CLIC6: variants seen among roughly 807,000 people sequenced by gnomAD.
CLIC6 encodes CLIC family member 6.
Under a neutral mutation model 49.2 loss-of-function variants are expected in CLIC6, and 39 were observed. The ratio of observed to expected loss-of-function variants is 0.79; its 90% CI spans 0.61 to 1.04. CLIC6 has a LOEUF of 1.04. Ranked by LOEUF, CLIC6 falls within the 50% of genes least tolerant of loss-of-function variation. The pLI, the probability that CLIC6 is intolerant of heterozygous loss-of-function variation, is 0.00. For synonymous variants in CLIC6, 446 were observed against 433.4 expected, an observed-to-expected ratio of 1.03 and a Z score of -0.36; for missense variants, 988 against 993.1, an observed-to-expected ratio of 0.99 and a Z score of 0.07.
rs1421007923 is a variant in CLIC6, at chr21:34,716,393, G to C, written c.1972G>C (p.Ala658Pro). 1 of 1,613,770 alleles carries C rather than the reference G, an allele frequency of 6.2e-7. No homozygotes were observed. The highest frequency in any genetic ancestry group is 8.5e-7 in the Non-Finnish European group (1 of 1,179,694). ...MTGIWRYLNN[A>P]YARDEFTNTC... is the part of the protein sequence containing the mutation. ...TGGCATCTGGAGATACTTGAATAAT[G>C]CTTATGCTAGAGATGAGTTCACAAA... Residue 658 changes from alanine (A) to proline (P), a missense_variant, in exon 6 of 6, where the codon GCT (alanine) becomes CCT (proline). This residue lies in a region of CLIC6 where 647 missense variants were observed against 596.9 expected (regional missense o/e 1.08). Coordinates refer to ENST00000349499, the MANE Select transcript of CLIC6 (RefSeq NM_053277.3).
In CLIC6 at chr21:34,669,481, A is replaced by G. The variant is rs1989481415; in HGVS notation, c.93A>G (p.Pro31=). The change falls in exon 1 of 6, where the codon CCA becomes CCG. Residue 31 remains proline, a synonymous_variant. Transcript: ENST00000349499. The part of the protein sequence containing the change: ...PAPLAERPGE[P]GAAGGEAEGP... ...CTCTGGCTGAGAGACCCGGAGAGCC[A>G]GGAGCCGCGGGCGGGGAGGCAGAAG... The G allele has an allele frequency of 8.1e-7, 1 of 1,235,440 alleles. No individual in the cohort carries two copies. The highest frequency in any genetic ancestry group is 1.6e-5 in the African/African-American group (1 of 64,506). The allele number at this position is 1,235,440 out of a possible 1,614,324, so 76.5% of individuals were successfully genotyped here. A position where few individuals can be genotyped will look rare whatever the true frequency, so the allele number is the denominator to read the frequency against.
chr21:34,692,430 G>C (rs1990012781), intron 1 of CLIC6, among the ~76,000 whole-genome samples: 1 of 152,210 alleles, frequency 6.6e-6, no homozygotes, highest in Non-Finnish European at 1.5e-5. Flanking sequence ...GATTCTCCCA[G>C]ATCTCGCAAA....
chr21:34,669,765 A>G lies in CLIC6; in HGVS notation c.377A>G (p.Gln126Arg). 7.1e-7 allele frequency: 1 copy of G among 1,412,594 alleles called. No individual in the cohort carries two copies. The highest frequency in any genetic ancestry group is 9.1e-7 in the Non-Finnish European group (1 of 1,094,172). 87.5% of individuals were successfully genotyped at this position (1,412,594 alleles called of 1,614,324 possible). Residue 126 changes from glutamine (Q) to arginine (R), a missense_variant, in exon 1 of 6, where the codon CAG becomes CGG. By Grantham distance (43) the Gln-to-Arg change is conservative. This residue lies in a region of CLIC6 where 284 missense variants were observed against 278.6 expected (regional missense o/e 1.02). Coordinates refer to ENST00000349499, the MANE Select transcript of CLIC6 (RefSeq NM_053277.3). The stretch of plus-strand genomic sequence containing the variant: ...CAGGGCGAGCCCCGCGGGGAGGCTC[A>G]GAGGGAGCCCGAGGACTCTGCGGCC... The part of the protein sequence containing the change: ...GAQGEPRGEA[Q>R]REPEDSAAPE...
At chr21:34,677,686 C>T (rs1325511588) in intron 1 of CLIC6, among the ~76,000 whole-genome samples, 1 of 152,138 alleles carries the variant, frequency 6.6e-6, no homozygotes, top group African/African-American at 2.4e-5. Context: ...ATTCCCATTC[C>T]TCCTTCATCA....
rs1346137626 is a variant in CLIC6, at chr21:34,669,105, G to A, written c.-284G>A. On this transcript the variant is annotated 5_prime_UTR_variant, in exon 1 of 6. Transcript: ENST00000349499. ...GGCCCGCGGGCGAGATTGGGGTCCC[G>A]GTGGGAAGCAGACGCGCAATCGGGG... Among the ~76,000 whole-genome samples, 1 of 152,244 alleles carries A rather than the reference G, an allele frequency of 6.6e-6. No individual in the cohort carries two copies. Among genetic ancestry groups the A allele is most frequent in the Non-Finnish European group, 1.5e-5 (1 of 68,040 alleles).
chr21:34,711,639 T>TCTGCTTCATTCTTTTGCCTTTGTCTTC (rs2056057692), intron 5 of CLIC6, among the ~76,000 whole-genome samples: 1 of 152,002 alleles, frequency 6.6e-6, no homozygotes, highest in Non-Finnish European at 1.5e-5. Flanking sequence ...CCCTGGTGAC[T>TCTGCTTCATTCTTTTGCCTTTGTCTTC]CTGCTTCATT....
At chr21:34,688,851 G>A (rs557775311) in intron 1 of CLIC6, among the ~76,000 whole-genome samples, 16 of 152,142 alleles carry the variant, frequency 1.1e-4, no homozygotes, top group Non-Finnish European at 2.2e-4. Context: ...TCTGATGGCC[G>A]CAATGTCAAA....
chr21:34,707,342 C>G lies in CLIC6; in HGVS notation c.1437C>G (p.Leu479=). 1 of 1,613,982 alleles carries G rather than the reference C, an allele frequency of 6.2e-7. No homozygotes were observed. The highest frequency in any genetic ancestry group is 8.5e-7 in the Non-Finnish European group (1 of 1,179,980). Residue 479 remains leucine (L), a synonymous_variant, in exon 2 of 6, where the codon CTC becomes CTG. Transcript: ENST00000349499. ...TTTCTCAGCGTCTCTTTATGATTCTCTGGCTGAAAGGCGTTATATTTAATG... is the reference window on the plus strand; with the variant it reads ...TTTCTCAGCGTCTCTTTATGATTCTGTGGCTGAAAGGCGTTATATTTAATG... The part of the protein sequence containing the change: ...CPFSQRLFMI[L]WLKGVIFNVT...
At position 34,670,612 on chromosome 21, in the gene CLIC6, G is replaced by A. The variant is rs779010266; in HGVS notation, c.1224G>A (p.Glu408=). The change falls in exon 1 of 6, where the codon GAG becomes GAA. Residue 408 remains glutamate, a synonymous_variant. Coordinates refer to ENST00000349499, the MANE Select transcript of CLIC6 (RefSeq NM_053277.3). The part of the protein sequence containing the change: ...PHGEASRGAA[E]PEAQLSNHLA... ...GGGAGGCCTCCAGGGGCGCCGCGGAGCCTGAGGCCCAGCTCAGCAACCACC... is the reference window on the plus strand; with the variant it reads ...GGGAGGCCTCCAGGGGCGCCGCGGAACCTGAGGCCCAGCTCAGCAACCACC... 1 of 1,544,500 alleles carries A rather than the reference G, an allele frequency of 6.5e-7. No individual in the cohort carries two copies. Among genetic ancestry groups the A allele is most frequent in the South Asian group, 1.2e-5 (1 of 83,770 alleles).
chr21:34,709,902 G>T (rs566816117), intron 5 of CLIC6, among the ~76,000 whole-genome samples: 1 of 152,310 alleles, frequency 6.6e-6, no homozygotes, highest in East Asian at 1.9e-4. Flanking sequence ...AAATGTGAAC[G>T]CAGTCTACTG....
In CLIC6 at chr21:34,670,489, G is replaced by A. The variant is rs1253681115; in HGVS notation, c.1101G>A (p.Pro367=). ...TAGGGGATGGGCCACAGCAGGAGCC[G>A]GGGGAGGACGAAGAGAGACGAGAGC... is the stretch of plus-strand genomic sequence containing the variant. ...DRVGDGPQQE[P]GEDEERRERS... is the part of the protein sequence containing the mutation. Residue 367 remains proline (P), a synonymous_variant, in exon 1 of 6, where the codon CCG becomes CCA. Transcript: ENST00000349499. The A allele has an allele frequency of 2.0e-6, 3 of 1,493,198 alleles. No individual in the cohort carries two copies. Among genetic ancestry groups the A allele is most frequent in the South Asian group, 2.6e-5 (2 of 75,538 alleles). The allele number at this position is 1,493,198 out of a possible 1,614,324, so 92.5% of individuals were successfully genotyped here.
At chr21:34,710,491 T>C (rs2056048948) in intron 5 of CLIC6, among the ~76,000 whole-genome samples, 1 of 152,086 alleles carries the variant, frequency 6.6e-6, no homozygotes, top group Non-Finnish European at 1.5e-5. Flanking sequence ...TTAGTAGGCA[T>C]ACAAACTGTC....
At chr21:34,692,086 G>T (rs1319292652) in intron 1 of CLIC6, among the ~76,000 whole-genome samples, 1 of 152,216 alleles carries the variant, frequency 6.6e-6, no homozygotes, top group Non-Finnish European at 1.5e-5. Flanking sequence ...TTTAGAAAGA[G>T]ATCTGACAAG....
At chr21:34,678,748 C>A (rs936117993) in intron 1 of CLIC6, among the ~76,000 whole-genome samples, 2 of 151,868 alleles carry the variant, frequency 1.3e-5, no homozygotes, top group African/African-American at 4.8e-5. Context: ...TTATGTAGTC[C>A]ATGGGATTAT....
chr21:34,710,339 A>T (rs544701490), intron 5 of CLIC6, among the ~76,000 whole-genome samples: 1 of 152,336 alleles, frequency 6.6e-6, no homozygotes, highest in Non-Finnish European at 1.5e-5. Flanking sequence ...CTCAACATCC[A>T]GGAAGCAGCT....
chr21:34,670,019 C>A lies in CLIC6; in HGVS notation c.631C>A (p.Gln211Lys). Residue 211 changes from glutamine (Q) to lysine (K), a missense_variant, in exon 1 of 6, where the codon CAA (glutamine) becomes AAA (lysine). By Grantham distance (53) the Gln-to-Lys change is moderately conservative. Coordinates refer to ENST00000349499, the MANE Select transcript of CLIC6 (RefSeq NM_053277.3). Reference protein sequence around the residue: ...DAEGPLGDNIQAEGPAGDSVD... With the variant: ...DAEGPLGDNIKAEGPAGDSVD... ...GGAGGGCCCGCTGGGGGACAACATA[C>A]AAGCCGAGGGCCCGGCGGGGGACAG... 8.2e-7 allele frequency: 1 copy of A among 1,216,778 alleles called. No homozygotes were observed. The highest frequency in any genetic ancestry group is 1.0e-6 in the Non-Finnish European group (1 of 991,442). The allele number at this position is 1,216,778 out of a possible 1,614,324, so 75.4% of individuals were successfully genotyped here. A position where few individuals can be genotyped will look rare whatever the true frequency, so the allele number is the denominator to read the frequency against.
At chr21:34,684,936 C>T (rs1989848033) in intron 1 of CLIC6, among the ~76,000 whole-genome samples, 1 of 152,158 alleles carries the variant, frequency 6.6e-6, no homozygotes, top group South Asian at 2.1e-4. Context: ...CTTTTGGTTT[C>T]CAGGTGTGAG....
At position 34,682,801 on chromosome 21, in the gene CLIC6, A is replaced by ATTTTTTTTT. The variant is rs1172251761; in HGVS notation, c.1374+12059_1374+12067dup. On this transcript the variant is annotated intron_variant, in intron 1 of 5. Transcript: ENST00000349499. Reference sequence around the variant, plus strand: ...TTTCCAGTCCTACCCCTTTCCCTCCATTTTTTTTTTTTTTTTTTTTTTTTT... The same window carrying ATTTTTTTTT: ...TTTCCAGTCCTACCCCTTTCCCTCCATTTTTTTTTTTTTTTTTTTTTTTTTTTTTTTTTT... 6.3e-4 allele frequency among the ~76,000 whole-genome samples: 44 copies of ATTTTTTTTT among 69,304 alleles called. 5 individuals are homozygous for ATTTTTTTTT. Among genetic ancestry groups the ATTTTTTTTT allele is most frequent in the African/African-American group, 2.9e-3 (44 of 15,380 alleles). The allele number at this position is 69,304 out of a possible 152,430, so 45.5% of individuals were successfully genotyped here.
In CLIC6 at chr21:34,670,591, G is replaced by A. The variant is rs375245256; in HGVS notation, c.1203G>A (p.Glu401=). The A allele has an allele frequency of 1.2e-3, 1,821 of 1,528,940 alleles. 1 individual carries two copies. Among genetic ancestry groups the A allele is most frequent in the Non-Finnish European group, 1.5e-3 (1,675 of 1,138,666 alleles). 94.7% of individuals were successfully genotyped at this position (1,528,940 alleles called of 1,614,324 possible). ...CCCCCGACAGCAGCCCACATGGGGA[G>A]GCCTCCAGGGGCGCCGCGGAGCCTG... is the stretch of plus-strand genomic sequence containing the variant. ...EESPDSSPHG[E]ASRGAAEPEA... The change falls in exon 1 of 6, where the codon GAG becomes GAA. Residue 401 remains glutamate, a synonymous_variant. Transcript: ENST00000349499.
Sources: gnomAD v4.1 joint callset for allele counts (sites outside exome capture counted in the v4.1 genomes callset) on GRCh38, gnomAD v4.1.1 for gene constraint, gnomAD v4.1.1 regional missense constraint, MANE v1.5 for transcripts, NCBI Gene and HGNC (gene_info 2026-07-23, HGNC 2026-07-21) for gene names.